ANKS1B: variants seen among roughly 807,000 people sequenced by gnomAD.
The protein encoded by ANKS1B is ankyrin repeat and sterile alpha motif domain-containing protein 1B.
ANKS1B carries 36 observed loss-of-function variants against 148.3 expected under a neutral mutation model. The observed-to-expected ratio is 0.24, with a 90% confidence interval of 0.19 to 0.32. The LOEUF is 0.32. Among genes scored for constraint, ANKS1B ranks in the 10% least tolerant of loss-of-function variants. ANKS1B has a pLI of 1.00. For synonymous variants in ANKS1B, 542 were observed against 560.8 expected (o/e 0.97, Z 0.47); for missense variants, 1,157 against 1,542.6 (o/e 0.75, Z 4.19).
intron 4 of ANKS1B, among the ~76,000 whole-genome samples, chr12:99,798,418 G>C (rs2066505626): frequency 9.3e-6 from 1 of 107,242 alleles, no homozygotes; most frequent in Non-Finnish European, 1.9e-5. Flanking sequence ...GGCACCTCTT[G>C]GAATTAAAAA....
At chr12:98,966,988 T>A (rs186409354) in intron 17 of ANKS1B, among the ~76,000 whole-genome samples, 1 of 152,158 alleles carries the variant, frequency 6.6e-6, no homozygotes, top group African/African-American at 2.4e-5. Flanking sequence ...TGTATACATA[T>A]GTAACAAACC....
intron 15 of ANKS1B, among the ~76,000 whole-genome samples, chr12:99,119,478 AAATT>A (rs761078901): frequency 5.3e-5 from 8 of 152,218 alleles, no homozygotes; most frequent in Non-Finnish European, 1.0e-4. Flanking sequence ...ATGGGAAACT[AAATT>A]AAGCATCCAA....
At chr12:99,278,953 T>C (rs974510006) in intron 12 of ANKS1B, among the ~76,000 whole-genome samples, 1 of 152,178 alleles carries the variant, frequency 6.6e-6, no homozygotes, top group African/African-American at 2.4e-5. Flanking sequence ...ATGTAGCATA[T>C]GGCACTTGGT....
At chr12:99,822,812 G>C (rs1653806593) in intron 2 of ANKS1B, among the ~76,000 whole-genome samples, 1 of 152,086 alleles carries the variant, frequency 6.6e-6, no homozygotes, top group African/African-American at 2.4e-5. Context: ...CCCTGTAATG[G>C]GAATGCTGGG....
chr12:98,799,444 T>C (rs547828807), intron 21 of ANKS1B, among the ~76,000 whole-genome samples: 33 of 150,584 alleles, frequency 2.2e-4, no homozygotes, highest in African/African-American at 8.1e-4. Context: ...TAATTAATGT[T>C]AGGCTTTTAG....
chr12:99,003,002 A>AT (rs2099933958), intron 17 of ANKS1B, among the ~76,000 whole-genome samples: 1 of 152,056 alleles, frequency 6.6e-6, no homozygotes, highest in Non-Finnish European at 1.5e-5. Context: ...CTTGGCATTG[A>AT]TTTTTGTGTA....
chr12:99,258,077 A>T (rs778982332), intron 12 of ANKS1B, among the ~76,000 whole-genome samples: 37 of 152,228 alleles, frequency 2.4e-4, no homozygotes, highest in Admixed American at 1.3e-4. Context: ...TTTATTTAAA[A>T]ATGTACATTT....
At chr12:99,102,567 AACCCCATCTCT>A (rs2058212119) in intron 15 of ANKS1B, among the ~76,000 whole-genome samples, 1 of 152,140 alleles carries the variant, frequency 6.6e-6, no homozygotes, top group Non-Finnish European at 1.5e-5. Flanking sequence ...AACATAGGAA[AACCCCATCTCT>A]ACAAAAAATA....
At chr12:99,908,805 A>T (rs551800480) in intron 1 of ANKS1B, among the ~76,000 whole-genome samples, 18 of 152,230 alleles carry the variant, frequency 1.2e-4, no homozygotes, top group Non-Finnish European at 2.6e-4. Context: ...TCATTATCAC[A>T]GTCAAACAAA....
intron 1 of ANKS1B, among the ~76,000 whole-genome samples, chr12:99,839,795 T>C (rs1429758169): frequency 6.6e-6 from 1 of 152,134 alleles, no homozygotes; most frequent in Non-Finnish European, 1.5e-5. Flanking sequence ...GAAGCAGGGA[T>C]TCAAACCACA....
chr12:99,954,273 G>C (rs1313620591), intron 1 of ANKS1B, among the ~76,000 whole-genome samples: 1 of 152,148 alleles, frequency 6.6e-6, no homozygotes, highest in Non-Finnish European at 1.5e-5. Flanking sequence ...CTTCAATCCA[G>C]TTCTTTCAAC....
chr12:99,043,241 C>G (rs1391659806), intron 17 of ANKS1B, among the ~76,000 whole-genome samples: 1 of 152,082 alleles, frequency 6.6e-6, no homozygotes, highest in African/African-American at 2.4e-5. Flanking sequence ...TAAAAGGACA[C>G]TGTTATTCAA....
chr12:99,442,514 A>G (rs77678593), intron 11 of ANKS1B, among the ~76,000 whole-genome samples: 2 of 123,484 alleles, frequency 1.6e-5, no homozygotes, highest in Admixed American at 7.9e-5. Flanking sequence ...ATACTAAAGT[A>G]AAAAAAAAGA....
Position 99,029,186 on chromosome 12 carries a change from ATGAGAGTAGGATGC to A in ANKS1B, c.2778+23957_2778+23970del, listed in dbSNP as rs2099950546. Among the ~76,000 whole-genome samples the A allele has an allele frequency of 3.9e-5, 6 of 152,356 alleles. No homozygotes were observed. The South Asian group carries it at 1.2e-3, about 32-fold the overall frequency. ...GATAGGTAATGATACTAAAAATGAC[ATGAGAGTAGGATGC>A]TGTATACTGATTCCAGCTGCTTCTC... On this transcript the variant is annotated intron_variant, in intron 17 of 26. Transcript: ENST00000683438.
chr12:99,701,832 C>T (rs1207408130), intron 8 of ANKS1B, among the ~76,000 whole-genome samples: 3 of 152,010 alleles, frequency 2.0e-5, no homozygotes, highest in South Asian at 2.1e-4. Context: ...CTTTATATAA[C>T]GTCCTCTAGT....
intron 1 of ANKS1B, among the ~76,000 whole-genome samples, chr12:99,879,190 A>G (rs995968201): frequency 6.6e-6 from 1 of 152,176 alleles, no homozygotes; most frequent in Non-Finnish European, 1.5e-5. Context: ...TTTTCTCTGA[A>G]GCATGTTATC....
chr12:98,826,963 C>G (rs1307379489), intron 19 of ANKS1B, among the ~76,000 whole-genome samples: 1 of 151,324 alleles, frequency 6.6e-6, no homozygotes, highest in Non-Finnish European at 1.5e-5. Context: ...AGCAAATGAC[C>G]AAAAATAAGG....
At chr12:98,831,706 CT>C in intron 18 of ANKS1B, 1 of 229,260 alleles carries the variant, frequency 4.4e-6, no homozygotes, top group East Asian at 9.5e-5. Context: ...ACTTCCTGAT[CT>C]ATTGCTTCAG....
intron 9 of ANKS1B, among the ~76,000 whole-genome samples, chr12:99,526,928 C>T (rs1020458267): frequency 6.6e-6 from 1 of 152,082 alleles, no homozygotes; most frequent in African/African-American, 2.4e-5. Flanking sequence ...TGACAAGTGT[C>T]GTTATAAAAA....
Sources: gnomAD v4.1 joint callset for allele counts (sites outside exome capture counted in the v4.1 genomes callset) on GRCh38, gnomAD v4.1.1 for gene constraint, MANE v1.5 for transcripts, NCBI Gene and HGNC (gene_info 2026-07-23, HGNC 2026-07-21) for gene names.